POU2F2: variants seen among roughly 807,000 people sequenced by gnomAD.
POU2F2 encodes POU class 2 homeobox 2.
Under a neutral mutation model 63.5 loss-of-function variants are expected in POU2F2, and 14 were observed. The observed-to-expected ratio is 0.22, with a 90% confidence interval of 0.15 to 0.34. POU2F2 has a LOEUF of 0.34. Ranked by LOEUF, POU2F2 falls within the 10% of genes least tolerant of loss-of-function variation. POU2F2 has a pLI of 1.00. For missense variants in POU2F2, 607 were observed against 815.2 expected (o/e 0.74, Z 3.11); for synonymous variants, 306 against 348.6 (o/e 0.88, Z 1.36).
chr19:42,128,465 C>T (rs1439563092), intron 1 of POU2F2, among the ~76,000 whole-genome samples: 1 of 152,216 alleles, frequency 6.6e-6, no homozygotes, highest in African/African-American at 2.4e-5. Flanking sequence ...CTGCCCCACA[C>T]TTGGCTGGGT....
chr19:42,118,393 G>A (rs764625384), intron 4 of POU2F2, among the ~76,000 whole-genome samples: 6 of 152,170 alleles, frequency 3.9e-5, no homozygotes, highest in Non-Finnish European at 5.9e-5. Context: ...GCTGGAGAGA[G>A]CGCCTGCCTA....
At chr19:42,159,791 T>C (rs140079517) in intron 2 of POU2F2, among the ~76,000 whole-genome samples, 137 of 152,292 alleles carry the variant, frequency 9.0e-4, no homozygotes, top group African/African-American at 2.8e-3. Flanking sequence ...AGTACTTTCA[T>C]CTTCACGCCA....
chr19:42,091,879 C>T lies in POU2F2; in HGVS notation c.1528G>A (p.Ala510Thr). ...SPALMSNNPL[A>T]TIQALASGGT... Reference sequence around the variant, plus strand: ...AGGCAGCACGCACCTTGGATAGTGGCCAAAGGGTTGTTGCTCATGAGGGCT... The same window carrying T: ...AGGCAGCACGCACCTTGGATAGTGGTCAAAGGGTTGTTGCTCATGAGGGCT... Residue 510 changes from alanine to threonine, a missense_variant, in exon 14 of 15, where the codon GCC becomes ACC. By Grantham distance (58) the Ala-to-Thr change is moderately conservative (BLOSUM62 0). Around this residue, in one of 7 missense-constraint regions of POU2F2, gnomAD observed 270 missense variants for 307.5 expected, o/e 0.88. Transcript: ENST00000692977. 2 of 1,538,988 alleles carry T rather than the reference C, an allele frequency of 1.3e-6. No individual in the cohort carries two copies. Among genetic ancestry groups the T allele is most frequent in the Non-Finnish European group, 8.7e-7 (1 of 1,146,878 alleles).
chr19:42,164,021 C>A (rs1353621844), intron 1 of POU2F2, among the ~76,000 whole-genome samples: 1 of 152,070 alleles, frequency 6.6e-6, no homozygotes, highest in Admixed American at 6.5e-5. Context: ...CCCGTTTTTA[C>A]AAAATACACA....
Position 42,162,593 on chromosome 19 carries a change from G to A in POU2F2, c.-69-2201C>T, listed in dbSNP as rs1162802881. On this transcript the variant is annotated intron_variant, in intron 1 of 6. Transcript: ENST00000524801. This position sits in a 1 kb window ranked among gnomAD's most constrained non-coding sequence, Gnocchi z 4.1. ...TAAAGGGTAGATTCCAGTGTTCACA[G>A]AGGGAAAGCAAGCTCAGGGTTTGGT... 6.6e-6 allele frequency among the ~76,000 whole-genome samples: 1 copy of A among 152,210 alleles called. No individual in the cohort carries two copies. The highest frequency in any genetic ancestry group is 1.9e-4 in the East Asian group (1 of 5,192).
rs755445949 is a variant in POU2F2 at position 42,117,416 on chromosome 19, C to A, written c.203G>T (p.Gly68Val). ...GGGACCCCAGAATGTTAAGTGGAGG[C>A]CAGAGAGAATGCCCACCTGTGAACC... ...GPSTKVGILSGLHLTFWGPGP... is the reference protein window; with the variant it reads ...GPSTKVGILSVLHLTFWGPGP... Residue 68 changes from glycine to valine, a missense_variant, in exon 5 of 15, where the codon GGC becomes GTC. Transcript: ENST00000692977. The surrounding 1 kb of genome is among the most constrained non-coding windows in gnomAD (Gnocchi z 4.4). The A allele has an allele frequency of 3.7e-6, 5 of 1,342,594 alleles. No homozygotes were observed. The highest frequency in any genetic ancestry group is 5.1e-6 in the Non-Finnish European group (5 of 971,782). The allele number at this position is 1,342,594 out of a possible 1,614,324, so 83.2% of individuals were successfully genotyped here. A position where few individuals can be genotyped will look rare whatever the true frequency, so the allele number is the denominator to read the frequency against.
Position 42,096,240 on chromosome 19 carries a change from C to A in POU2F2, c.571G>T (p.Val191Leu), listed in dbSNP as rs1470988059. 8.0e-7 allele frequency: 1 copy of A among 1,251,032 alleles called. No individual in the cohort carries two copies. Among genetic ancestry groups the A allele is most frequent in the East Asian group, 3.0e-5 (1 of 33,220 alleles). The allele number at this position is 1,251,032 out of a possible 1,614,324, so 77.5% of individuals were successfully genotyped here. The change falls in exon 8 of 15, where the codon GTG (valine) becomes TTG (leucine). Residue 191 changes from valine to leucine, a missense_variant. Physicochemically the swap from Val to Leu is conservative, Grantham distance 32. This residue lies in a region of POU2F2 where 224 missense variants were observed against 264.3 expected (regional missense o/e 0.85). Coordinates refer to ENST00000692977, the MANE Select transcript of POU2F2 (RefSeq NM_001394376.1). This position sits in a 1 kb window ranked among gnomAD's most constrained non-coding sequence, Gnocchi z 4.1. ...QPRAGLPTQA[V>L]TRPTLPDPHL... ...GGGTCGGGCAGCGTAGGGCGGGTCA[C>A]GGCCTGGTGGGGTGGGCAGGTGGGT...
chr19:42,176,365 C>G (rs556513811), upstream of POU2F2, among the ~76,000 whole-genome samples: 1 of 152,054 alleles, frequency 6.6e-6, no homozygotes, highest in Admixed American at 6.5e-5. Context: ...TATTTTTTGG[C>G]CCGGGGGCAG....
Position 42,086,756 on chromosome 19 carries a change from G to C in POU2F2, c.*4501C>G, listed in dbSNP as rs1297993397. ...ATAAATAAATAAATACTGAGCCCCTGGGTTTGGGGGACATATTGGGGGAGG... is the reference window on the plus strand; with the variant it reads ...ATAAATAAATAAATACTGAGCCCCTCGGTTTGGGGGACATATTGGGGGAGG... On this transcript the variant is annotated 3_prime_UTR_variant, in exon 15 of 15. Coordinates refer to ENST00000692977, the MANE Select transcript of POU2F2 (RefSeq NM_001394376.1). 1 of 152,102 alleles carries C rather than the reference G, an allele frequency of 6.6e-6. No individual in the cohort carries two copies. Among genetic ancestry groups the C allele is most frequent in the Non-Finnish European group, 1.5e-5 (1 of 68,050 alleles). 9.4% of individuals were successfully genotyped at this position (152,102 alleles called of 1,614,324 possible). A position where few individuals can be genotyped will look rare whatever the true frequency, so the allele number is the denominator to read the frequency against.
chr19:42,177,035 G>C (rs933112184), upstream of POU2F2: 9 of 151,592 alleles, frequency 5.9e-5, no homozygotes, highest in African/African-American at 2.2e-4. Flanking sequence ...GGCGGGCAGG[G>C]GCTGCGAGGG....
chr19:42,173,269 C>T (rs1162267027), intron 1 of POU2F2, among the ~76,000 whole-genome samples: 1 of 152,164 alleles, frequency 6.6e-6, no homozygotes, highest in Non-Finnish European at 1.5e-5. Context: ...GGAAATTAAC[C>T]AGCACATGCC....
chr19:42,132,303 G>T (rs765675787), intron 1 of POU2F2, 81 bp downstream of exon 1: 6 of 1,486,584 alleles, frequency 4.0e-6, no homozygotes, highest in Admixed American at 2.0e-5. Flanking sequence ...AGCTGAGGAG[G>T]AGGGGCAGGC....
chr19:42,141,284 G>A (rs1233778263), intron 2 of POU2F2, among the ~76,000 whole-genome samples: 1 of 152,138 alleles, frequency 6.6e-6, no homozygotes, highest in Non-Finnish European at 1.5e-5. Flanking sequence ...CAACTGCCCT[G>A]CAGATGGTTA....
intron 7 of POU2F2, among the ~76,000 whole-genome samples, chr19:42,098,499 G>T (rs2077010084): frequency 6.6e-6 from 1 of 151,894 alleles, no homozygotes; most frequent in Non-Finnish European, 1.5e-5. Context: ...CCCCACTAGG[G>T]TCAAGAATAT....
At chr19:42,135,837 A>C (rs2033999435), upstream of POU2F2, among the ~76,000 whole-genome samples, 1 of 151,362 alleles carries the variant, frequency 6.6e-6, no homozygotes, top group South Asian at 2.1e-4. Context: ...CAGCCTCCCG[A>C]GTAGCCGGGA....
chr19:42,123,893 C>T (rs1303441992), intron 1 of POU2F2, among the ~76,000 whole-genome samples: 2 of 152,118 alleles, frequency 1.3e-5, no homozygotes, highest in Non-Finnish European at 2.9e-5. Context: ...GTCCTGAGAT[C>T]CTGTCCCTGA....
chr19:42,186,775 T>C (rs1281806433), intron 1 of POU2F2, among the ~76,000 whole-genome samples: 1 of 152,138 alleles, frequency 6.6e-6, no homozygotes, highest in African/African-American at 2.4e-5. Context: ...GCTTTATGTT[T>C]GGATATGAGC....
At chr19:42,129,514 G>A (rs2033510800) in intron 1 of POU2F2, among the ~76,000 whole-genome samples, 1 of 152,124 alleles carries the variant, frequency 6.6e-6, no homozygotes, top group Non-Finnish European at 1.5e-5. Flanking sequence ...GCAGACTTAG[G>A]CCAGCTTCTC....
At position 42,096,468 on chromosome 19, in the gene POU2F2, T is replaced by C. The variant is rs980635191; in HGVS notation, c.568-225A>G. ...ACTCTGCTGCCCTACATGGGTTTCC[T>C]CATTGCCTGGGACTCTCTGCACTGT... On this transcript the variant is annotated intron_variant, in intron 7 of 14. Coordinates refer to ENST00000692977, the MANE Select transcript of POU2F2 (RefSeq NM_001394376.1). This position sits in a 1 kb window ranked among gnomAD's most constrained non-coding sequence, Gnocchi z 4.1. 6.6e-6 allele frequency among the ~76,000 whole-genome samples: 1 copy of C among 152,232 alleles called. No individual in the cohort carries two copies. Among genetic ancestry groups the C allele is most frequent in the Admixed American group, 6.5e-5 (1 of 15,290 alleles).
Sources: gnomAD v4.1 joint callset for allele counts (sites outside exome capture counted in the v4.1 genomes callset) on GRCh38, gnomAD v4.1.1 for gene constraint, gnomAD v4.1.1 regional missense constraint, Gnocchi (gnomAD v3.1) non-coding constraint, MANE v1.5 for transcripts, NCBI Gene and HGNC (gene_info 2026-07-23, HGNC 2026-07-21) for gene names.